ERBB4: variants seen among roughly 807,000 people sequenced by gnomAD.
ERBB4 encodes erb-b2 receptor tyrosine kinase 4, also known as receptor tyrosine-protein kinase erbB-4.
In ERBB4, 42 loss-of-function variants were observed where a neutral mutation model predicts 158.0. The ratio of observed to expected loss-of-function variants is 0.27; its 90% confidence interval spans 0.21 to 0.34. The LOEUF (loss-of-function observed/expected upper bound fraction) is 0.34. ERBB4 is among the 10% of genes least tolerant of loss of function. The probability of loss-of-function intolerance (pLI) is 1.00; values close to 1 mark genes in which losing one functional copy is unlikely to be tolerated. For missense variants in ERBB4, 1,333 were observed against 1,624.1 expected (o/e 0.82, Z 3.08); for synonymous variants, 583 against 558.7 (o/e 1.04, Z -0.61).
At chr2:212,418,278 A>C (rs1018790445) in intron 1 of ERBB4, among the ~76,000 whole-genome samples, 1 of 151,968 alleles carries the variant, frequency 6.6e-6, no homozygotes, top group Admixed American at 6.6e-5. Flanking sequence ...AGAAATACTT[A>C]TTAATATTGT....
chr2:211,509,173 C>G lies in ERBB4; in HGVS notation c.2487+52730G>C, dbSNP rs2065828274. 1.3e-5 allele frequency among the ~76,000 whole-genome samples: 2 copies of G among 151,236 alleles called. 1 individual carries two copies. The highest frequency in any genetic ancestry group is 2.9e-5 in the Non-Finnish European group (2 of 67,886). ...ACAGGGAGGGGGGAGTATCACGCAC[C>G]AGAGCCTGTCGGGGAGTGGGGGACA... On this transcript the variant is annotated intron_variant, in intron 20 of 27. Transcript: ENST00000342788.
intron 2 of ERBB4, among the ~76,000 whole-genome samples, chr2:212,068,304 T>C (rs564948555): frequency 6.6e-6 from 1 of 152,128 alleles, no homozygotes; most frequent in East Asian, 1.9e-4. Context: ...CTCTAAGTGC[T>C]GGTCACAAAA....
At chr2:211,812,591 G>T (rs1026615336) in intron 3 of ERBB4, among the ~76,000 whole-genome samples, 6 of 152,208 alleles carry the variant, frequency 3.9e-5, no homozygotes, top group African/African-American at 1.4e-4. Context: ...AGACAGGGAC[G>T]TTTAAGTCTG....
chr2:212,026,302 G>A (rs2076770858), intron 2 of ERBB4, among the ~76,000 whole-genome samples: 1 of 151,664 alleles, frequency 6.6e-6, no homozygotes, highest in Middle Eastern at 3.4e-3. Flanking sequence ...TCACCTATAA[G>A]GTTCCTAATA....
At chr2:211,820,236 A>G (rs989712669) in intron 3 of ERBB4, among the ~76,000 whole-genome samples, 3 of 151,946 alleles carry the variant, frequency 2.0e-5, no homozygotes, top group Non-Finnish European at 2.9e-5. Context: ...AGCAGCAACA[A>G]CTGAGAATTA....
chr2:212,018,820 G>T (rs138767469), intron 2 of ERBB4, among the ~76,000 whole-genome samples: 1 of 151,994 alleles, frequency 6.6e-6, no homozygotes, highest in East Asian at 1.9e-4. Context: ...GTACTTAAAG[G>T]AGACAGGGAG....
At chr2:211,437,221 C>A (rs1327569531) in intron 20 of ERBB4, among the ~76,000 whole-genome samples, 2 of 152,148 alleles carry the variant, frequency 1.3e-5, no homozygotes, top group Non-Finnish European at 2.9e-5. Context: ...TCAAAGAATG[C>A]ATACTTAGTT....
intron 2 of ERBB4, among the ~76,000 whole-genome samples, chr2:212,007,697 C>T: frequency 6.6e-6 from 1 of 151,824 alleles, no homozygotes; most frequent in East Asian, 1.9e-4. Flanking sequence ...TTAAGCACTA[C>T]ACAGTTCTAA....
At chr2:212,095,926 C>G (rs1435235330) in intron 2 of ERBB4, among the ~76,000 whole-genome samples, 1 of 128,542 alleles carries the variant, frequency 7.8e-6, no homozygotes, top group African/African-American at 2.8e-5. Context: ...CAGAGCGAGA[C>G]TCTGTCTCAA....
intron 16 of ERBB4, among the ~76,000 whole-genome samples, chr2:211,642,458 T>A (rs79577358): frequency 3.3e-5 from 5 of 152,056 alleles, no homozygotes; most frequent in Admixed American, 3.3e-4. Context: ...CCTCTAAATA[T>A]AGGAAAGCCT....
chr2:211,786,273 CAG>C (rs2076162292), intron 4 of ERBB4, among the ~76,000 whole-genome samples: 2 of 151,988 alleles, frequency 1.3e-5, no homozygotes, highest in East Asian at 1.9e-4. Context: ...GGGGAGAAGA[CAG>C]AGAAATAAAT....
At chr2:212,321,089 G>A (rs2087549502) in intron 1 of ERBB4, among the ~76,000 whole-genome samples, 1 of 150,084 alleles carries the variant, frequency 6.7e-6, no homozygotes, top group Non-Finnish European at 1.5e-5. Context: ...GAAACCGATG[G>A]TAATCATCTA....
chr2:211,512,808 C>G (rs184625874), intron 20 of ERBB4, among the ~76,000 whole-genome samples: 1 of 152,118 alleles, frequency 6.6e-6, no homozygotes, highest in Non-Finnish European at 1.5e-5. Flanking sequence ...AACTAAGTAC[C>G]TGACCCATCT....
chr2:212,285,970 A>G (rs901502451), intron 1 of ERBB4, among the ~76,000 whole-genome samples: 2 of 152,120 alleles, frequency 1.3e-5, no homozygotes, highest in African/African-American at 4.8e-5. Context: ...GTATGATTTG[A>G]CATGATTGTT....
intron 2 of ERBB4, among the ~76,000 whole-genome samples, chr2:212,047,301 A>G (rs565530333): frequency 3.3e-5 from 5 of 152,152 alleles, no homozygotes; most frequent in African/African-American, 1.2e-4. Context: ...AAAACTTCTA[A>G]ATTATTCTCT....
intron 15 of ERBB4, among the ~76,000 whole-genome samples, chr2:211,658,195 A>T (rs916691890): frequency 6.6e-6 from 1 of 152,196 alleles, no homozygotes; most frequent in African/African-American, 2.4e-5. Context: ...ATGCAAAGAA[A>T]TGTCCAAAGT....
At chr2:211,953,040 A>G (rs903414865) in intron 2 of ERBB4, among the ~76,000 whole-genome samples, 3 of 152,036 alleles carry the variant, frequency 2.0e-5, no homozygotes, top group African/African-American at 7.2e-5. Context: ...GGCCCTAAAT[A>G]TAGACTCTGG....
At chr2:211,991,514 A>T (rs1306892618) in intron 2 of ERBB4, among the ~76,000 whole-genome samples, 1 of 152,182 alleles carries the variant, frequency 6.6e-6, no homozygotes, top group Admixed American at 6.6e-5. Context: ...AATGCATTTC[A>T]ATATTCTCTA....
intron 3 of ERBB4, among the ~76,000 whole-genome samples, chr2:211,802,967 C>T (rs1312247364): frequency 6.6e-6 from 1 of 152,122 alleles, no homozygotes; most frequent in East Asian, 1.9e-4. Context: ...CTAATTACAG[C>T]TAGGATAATA....
Sources: gnomAD v4.1 joint callset for allele counts (sites outside exome capture counted in the v4.1 genomes callset) on GRCh38, gnomAD v4.1.1 for gene constraint, MANE v1.5 for transcripts, NCBI Gene and HGNC (gene_info 2026-07-23, HGNC 2026-07-21) for gene names.